PRORP: variants seen among roughly 807,000 people sequenced by gnomAD.
The protein encoded by PRORP is mitochondrial ribonuclease P catalytic subunit.
PRORP carries 51 observed loss-of-function variants against 59.4 expected under a neutral mutation model. That is an observed-to-expected ratio of 0.86 (90% CI 0.69 to 1.08). The LOEUF (loss-of-function observed/expected upper bound fraction) is 1.08. Among genes scored for constraint, PRORP ranks in the 50% least tolerant of loss-of-function variants. The pLI is 0.00. For missense variants in PRORP, 646 were observed against 690.3 expected, an observed-to-expected ratio of 0.94 and a Z score of 0.72; for synonymous variants, 231 against 245.6, an observed-to-expected ratio of 0.94 and a Z score of 0.55.
chr14:35,251,121 T>C lies in PRORP; in HGVS notation c.1276-15606T>C, dbSNP rs146739320. On this transcript the variant is annotated intron_variant, in intron 5 of 7. Transcript: ENST00000534898. Reference sequence around the variant, plus strand: ...ACTTATGAGTGAGAACATTCGACGATTGGTTTTCCATTCCTGAGTTACTTC... The same window carrying C: ...ACTTATGAGTGAGAACATTCGACGACTGGTTTTCCATTCCTGAGTTACTTC... 3.5e-4 allele frequency among the ~76,000 whole-genome samples: 53 copies of C among 152,360 alleles called. 1 individual carries two copies. Among genetic ancestry groups the C allele is most frequent in the African/African-American group, 1.2e-3 (49 of 41,582 alleles).
chr14:35,243,972 C>T (rs2138557187), intron 5 of PRORP, among the ~76,000 whole-genome samples: 1 of 152,270 alleles, frequency 6.6e-6, no homozygotes, highest in South Asian at 2.1e-4. Flanking sequence ...AAAAAAGAGG[C>T]TTAAAACAGC....
At chr14:35,175,149 A>G (rs1343029677) in intron 4 of PRORP, among the ~76,000 whole-genome samples, 1 of 151,916 alleles carries the variant, frequency 6.6e-6, no homozygotes, top group Non-Finnish European at 1.5e-5. Context: ...TCATTGATGG[A>G]CATTTGGGTT....
intron 5 of PRORP, among the ~76,000 whole-genome samples, chr14:35,223,595 G>T (rs1298040137): frequency 1.3e-5 from 2 of 151,970 alleles, no homozygotes; most frequent in African/African-American, 2.4e-5. Context: ...AAGTAGCTGG[G>T]ATTACAGGTG....
chr14:35,199,857 T>C (rs1456634573), intron 5 of PRORP, among the ~76,000 whole-genome samples: 1 of 152,202 alleles, frequency 6.6e-6, no homozygotes, highest in African/African-American at 2.4e-5. Flanking sequence ...GCATGTAAAG[T>C]TACAGAATTA....
rs2139054284 is a variant in PRORP at position 35,184,376 on chromosome 14, T to A, written c.1275+3599T>A. On this transcript the variant is annotated intron_variant, in intron 5 of 7. Coordinates refer to ENST00000534898, the MANE Select transcript of PRORP (RefSeq NM_014672.4). ...GTTATAATTCATGTCAGTAGAAACT[T>A]GCCAGCCACCATGTAGAGATTTATT... 2.0e-5 allele frequency among the ~76,000 whole-genome samples: 3 copies of A among 152,306 alleles called. 1 individual carries two copies. The Middle Eastern group carries it at 0.01, about 518-fold the overall frequency.
At chr14:35,174,233 G>T (rs2048388522) in intron 4 of PRORP, among the ~76,000 whole-genome samples, 1 of 151,786 alleles carries the variant, frequency 6.6e-6, no homozygotes, top group Non-Finnish European at 1.5e-5. Flanking sequence ...CAAATGTCAT[G>T]TCCCCTCCAG....
chr14:35,256,326 CTTTTTTTTTTT>C (rs1178856754), intron 5 of PRORP, among the ~76,000 whole-genome samples: 1 of 82,814 alleles, frequency 1.2e-5, no homozygotes, highest in African/African-American at 5.5e-5. Context: ...TTGTGCGTAT[CTTTTTTTTTTT>C]TTTTTTTTTT....
intron 5 of PRORP, among the ~76,000 whole-genome samples, chr14:35,205,968 C>T (rs962795863): frequency 1.3e-5 from 2 of 152,158 alleles, no homozygotes; most frequent in East Asian, 1.9e-4. Context: ...CTCTGTCATA[C>T]CACCAGTCAC....
At chr14:35,231,734 A>C (rs1320578686) in intron 5 of PRORP, among the ~76,000 whole-genome samples, 2 of 152,226 alleles carry the variant, frequency 1.3e-5, no homozygotes, top group Non-Finnish European at 2.9e-5. Flanking sequence ...AAGTCCTTAG[A>C]ATCAGCCATA....
intron 4 of PRORP, among the ~76,000 whole-genome samples, chr14:35,129,479 CTT>C (rs1230052932): frequency 4.3e-5 from 6 of 140,876 alleles, no homozygotes; most frequent in East Asian, 2.0e-4. Context: ...TTGTATTTTT[CTT>C]TTTTTTTTTT....
At chr14:35,205,804 A>T (rs2139147807) in intron 5 of PRORP, among the ~76,000 whole-genome samples, 1 of 152,322 alleles carries the variant, frequency 6.6e-6, no homozygotes, top group South Asian at 2.1e-4. Flanking sequence ...TCAGGGATGA[A>T]AACGTGGCTA....
chr14:35,226,378 G>A (rs545723382), intron 5 of PRORP, among the ~76,000 whole-genome samples: 47 of 152,296 alleles, frequency 3.1e-4, no homozygotes, highest in African/African-American at 1.1e-3. Flanking sequence ...TAGGCAAAGA[G>A]CTAAAACATC....
chr14:35,256,717 A>G (rs922351117), intron 5 of PRORP, among the ~76,000 whole-genome samples: 33 of 152,110 alleles, frequency 2.2e-4, no homozygotes, highest in African/African-American at 8.0e-4. Flanking sequence ...ATTTGTTTCA[A>G]AATAATCCGA....
rs539663064 is a variant in PRORP, at chr14:35,126,772, G to C, written c.1024G>C (p.Val342Leu). ...ACAATGGAAAGGACAATTCACCACAGTCCGAAAAAGGTGAAGACCAATGTT... is the reference window on the plus strand; with the variant it reads ...ACAATGGAAAGGACAATTCACCACACTCCGAAAAAGGTGAAGACCAATGTT... ...GKQWKGQFTT[V>L]RKSGQCSGCG... is the part of the protein sequence containing the mutation. The change falls in exon 3 of 8, where the codon GTC (valine) becomes CTC (leucine). Residue 342 changes from valine to leucine, a missense_variant. Coordinates refer to ENST00000534898, the MANE Select transcript of PRORP (RefSeq NM_014672.4). 3 of 1,608,674 alleles carry C rather than the reference G, an allele frequency of 1.9e-6. No individual in the cohort carries two copies. In the African/African-American group the frequency reaches 4.0e-5, roughly 22 times the overall value.
At position 35,273,435 on chromosome 14, in the gene PRORP, C is replaced by A; in HGVS notation, c.1621C>A (p.Arg541Ser). The change falls in exon 8 of 8, where the codon CGT becomes AGT. Residue 541 changes from arginine (R) to serine (S), a missense_variant and splice_region_variant. By Grantham distance (110) the Arg-to-Ser change is moderately radical. Transcript: ENST00000534898. ...RFPGSKLTFQ[R>S]ILSYDTVVQT... ...TTTTGTTCTCTTTTTAATTCAACAG[C>A]GTATTCTCAGCTATGACACAGTGGT... 2 of 1,604,844 alleles carry A rather than the reference C, an allele frequency of 1.2e-6. No individual in the cohort carries two copies. Among genetic ancestry groups the A allele is most frequent in the Non-Finnish European group, 1.7e-6 (2 of 1,176,492 alleles).
At chr14:35,210,834 G>A (rs1001089827) in intron 5 of PRORP, among the ~76,000 whole-genome samples, 1 of 128,756 alleles carries the variant, frequency 7.8e-6, no homozygotes, top group African/African-American at 2.9e-5. Context: ...GCATGAAATG[G>A]CTCACTGCTG....
intron 5 of PRORP, among the ~76,000 whole-genome samples, chr14:35,253,435 A>ACACACACACACACACTTTTCTC (rs2050670306): frequency 6.7e-6 from 1 of 148,502 alleles, no homozygotes; most frequent in Admixed American, 6.6e-5. Context: ...GAAAAAAGAA[A>ACACACACACACACACTTTTCTC]CACACACACA....
At chr14:35,152,783 A>C (rs1479469889) in intron 4 of PRORP, among the ~76,000 whole-genome samples, 2 of 137,622 alleles carry the variant, frequency 1.5e-5, no homozygotes, top group Admixed American at 1.4e-4. Context: ...CGCTCCTCAC[A>C]TCCCAGACGG....
chr14:35,262,353 T>C, intron 5 of PRORP: 1 of 312,694 alleles, frequency 3.2e-6, no homozygotes, highest in South Asian at 2.9e-5. Flanking sequence ...CAAAGTTTAC[T>C]AGTGTAGATG....
Sources: gnomAD v4.1 joint callset for allele counts (sites outside exome capture counted in the v4.1 genomes callset) on GRCh38, gnomAD v4.1.1 for gene constraint, MANE v1.5 for transcripts, NCBI Gene and HGNC (gene_info 2026-07-23, HGNC 2026-07-21) for gene names.